PCNT: variants seen among roughly 807,000 people sequenced by gnomAD.
The protein encoded by PCNT is pericentrin.
Under a neutral mutation model 380.4 loss-of-function variants are expected in PCNT, and 319 were observed. The observed-to-expected ratio is 0.84, with a 90% CI of 0.77 to 0.92. PCNT has a LOEUF of 0.92. Ranked by LOEUF, PCNT falls within the 40% of genes least tolerant of loss-of-function variation. The pLI, the probability that PCNT is intolerant of heterozygous loss-of-function variation, is 0.00. For synonymous variants in PCNT, 1,845 were observed against 1,735.2 expected, an observed-to-expected ratio of 1.06 and a Z score of -1.57; for missense variants, 4,400 against 4,255.3, an observed-to-expected ratio of 1.03 and a Z score of -0.95.
Position 46,346,773 on chromosome 21 carries a change from C to A in PCNT, c.751C>A (p.Arg251Ser). ...AVHGLELEAL[R>S]LSLSNMHTAQ... ...GCATGGCCTTGAGCTGGAGGCGCTG[C>A]GCCTGAGTCTGAGCAACATGCACAC... The change falls in exon 5 of 47, where the codon CGC (arginine) becomes AGC (serine). Residue 251 changes from arginine to serine, a missense_variant. Coordinates refer to ENST00000359568, the MANE Select transcript of PCNT (RefSeq NM_006031.6). The A allele has an allele frequency of 6.3e-7, 1 of 1,597,382 alleles. No homozygotes were observed.
chr21:46,325,294 G>T, intron 1 of PCNT: 1 of 772,954 alleles, frequency 1.3e-6, no homozygotes, highest in Non-Finnish European at 1.6e-6. Flanking sequence ...AGGGGACGCG[G>T]GGCTAGGCCG....
At chr21:46,394,863 G>T (rs1601947050) in intron 21 of PCNT, among the ~76,000 whole-genome samples, 1 of 152,232 alleles carries the variant, frequency 6.6e-6, no homozygotes, top group Admixed American at 6.5e-5. Context: ...GGGCCCCCTG[G>T]ATCCCCTGTG....
At chr21:46,375,918 G>A (rs1270577493) in intron 15 of PCNT, among the ~76,000 whole-genome samples, 1 of 152,270 alleles carries the variant, frequency 6.6e-6, no homozygotes, top group Non-Finnish European at 1.5e-5. Flanking sequence ...GGTACCTGCG[G>A]GTGGTGCTGT....
At position 46,401,576 on chromosome 21, in the gene PCNT, A is replaced by C. The variant is rs1038288722; in HGVS notation, c.4817A>C (p.Gln1606Pro). The C allele has an allele frequency of 1.2e-6, 2 of 1,613,894 alleles. No individual in the cohort carries two copies. The highest frequency in any genetic ancestry group is 2.7e-5 in the African/African-American group (2 of 74,936). Residue 1606 changes from glutamine to proline, a missense_variant, in exon 26 of 47, where the codon CAG becomes CCG. Gln to Pro is a moderately conservative substitution (Grantham distance 76). Coordinates refer to ENST00000359568, the MANE Select transcript of PCNT (RefSeq NM_006031.6). The stretch of plus-strand genomic sequence containing the variant: ...GATAAAGAGGTGTTAAAGAAACAGC[A>C]GATGAGTAGCTTGCTTCTGGCGTCC... The part of the protein sequence containing the change: ...EQDKEVLKKQ[Q>P]MSSLLLASTL...
intron 27 of PCNT, among the ~76,000 whole-genome samples, chr21:46,409,820 C>T (rs2086728504): frequency 6.6e-6 from 1 of 152,104 alleles, no homozygotes; most frequent in African/African-American, 2.4e-5. Context: ...TCTTGAACTC[C>T]TGTGCTCAAG....
intron 12 of PCNT, 88 bp downstream of exon 12, chr21:46,355,714 A>T: frequency 1.5e-6 from 2 of 1,351,010 alleles, no homozygotes; most frequent in Non-Finnish European, 2.1e-6. Context: ...GTTCGATCCA[A>T]GTCCTCCGTG....
intron 15 of PCNT, among the ~76,000 whole-genome samples, chr21:46,370,363 C>G (rs2146971363): frequency 6.6e-6 from 1 of 151,856 alleles, no homozygotes; most frequent in African/African-American, 2.4e-5. Flanking sequence ...GGACGAAACA[C>G]AAAGTGGAGG....
chr21:46,386,655 C>T (rs1031965655), intron 17 of PCNT, among the ~76,000 whole-genome samples: 1 of 152,256 alleles, frequency 6.6e-6, no homozygotes, highest in African/African-American at 2.4e-5. Context: ...GTCCAGCAGG[C>T]TTGTCTGCCC....
intron 44 of PCNT, 43 bp from the exon 45 acceptor site, chr21:46,443,767 T>C: frequency 6.8e-6 from 11 of 1,607,168 alleles, no homozygotes; most frequent in Non-Finnish European, 9.4e-6. Context: ...AATGCATTCA[T>C]TTATTTTCCT....
intron 45 of PCNT, 150 bp from the exon 46 acceptor site, chr21:46,444,544 A>T: frequency 2.7e-6 from 2 of 744,678 alleles, no homozygotes; most frequent in Non-Finnish European, 4.5e-6. Flanking sequence ...GAGGGATCTG[A>T]AGGAAACGGC....
chr21:46,328,271 C>CCT (rs60896945), intron 2 of PCNT, among the ~76,000 whole-genome samples: 118,265 of 145,600 alleles, frequency 0.81, 48,356 homozygotes, highest in Middle Eastern at 0.87. Context: ...TTTTTTTTCC[C>CCT]GTTTTCTTTT....
At chr21:46,372,200 A>G (rs547510999) in intron 15 of PCNT, among the ~76,000 whole-genome samples, 2 of 150,170 alleles carry the variant, frequency 1.3e-5, no homozygotes, top group African/African-American at 4.9e-5. Context: ...GCACACACAC[A>G]GAGAGCACAT....
At chr21:46,350,563 A>G (rs2084229604) in intron 8 of PCNT, among the ~76,000 whole-genome samples, 1 of 152,236 alleles carries the variant, frequency 6.6e-6, no homozygotes, top group Non-Finnish European at 1.5e-5. Context: ...TGAAGAAATT[A>G]AAGCATAAAT....
chr21:46,396,697 G>A lies in PCNT; in HGVS notation c.4217-568G>A, dbSNP rs536868772. Among the ~76,000 whole-genome samples the A allele has an allele frequency of 1.1e-4, 17 of 152,256 alleles. No homozygotes were observed. The East Asian group carries it at 2.5e-3, about 22-fold the overall frequency. On this transcript the variant is annotated intron_variant, in intron 21 of 46. Coordinates refer to ENST00000359568, the MANE Select transcript of PCNT (RefSeq NM_006031.6). ...GGGCTCACTGCAACCTCCATCTCCC[G>A]GATTCAAGTGATTCTCCTGCCTCAG...
At position 46,370,268 on chromosome 21, in the gene PCNT, C is replaced by T. The variant is rs3788260; in HGVS notation, c.3165+3129C>T. 9.2e-5 allele frequency among the ~76,000 whole-genome samples: 14 copies of T among 152,068 alleles called. No individual in the cohort carries two copies. The East Asian group carries it at 2.5e-3, about 27-fold the overall frequency. The stretch of plus-strand genomic sequence containing the variant: ...TTGGCCTCCCCTCCTGTTGGGGCCT[C>T]CGGAGGGCAGGGTTCTGGTCTGGTC... On this transcript the variant is annotated intron_variant, in intron 15 of 46. Coordinates refer to ENST00000359568, the MANE Select transcript of PCNT (RefSeq NM_006031.6).
chr21:46,353,760 CAGAGAGAG>C (rs200721092), intron 10 of PCNT, among the ~76,000 whole-genome samples: 3 of 129,580 alleles, frequency 2.3e-5, no homozygotes, highest in Admixed American at 1.5e-4. Context: ...GTGAGAGAGA[CAGAGAGAG>C]AGTCAGTGGC....
chr21:46,439,358 A>G (rs996340474), intron 41 of PCNT, among the ~76,000 whole-genome samples: 1 of 151,910 alleles, frequency 6.6e-6, no homozygotes, highest in Admixed American at 6.6e-5. Flanking sequence ...TTTTTCTGAG[A>G]CAGGGCCTTG....
At chr21:46,408,015 A>T (rs77613203) in intron 27 of PCNT, among the ~76,000 whole-genome samples, 5,464 of 152,162 alleles carry the variant, frequency 0.036, 150 homozygotes, top group Middle Eastern at 0.082. Context: ...TTGTTTTTAG[A>T]CTTCGTGCAT....
At chr21:46,325,609 A>G (rs924181187) in intron 1 of PCNT, among the ~76,000 whole-genome samples, 3 of 152,188 alleles carry the variant, frequency 2.0e-5, no homozygotes, top group African/African-American at 7.2e-5. Flanking sequence ...TTGTGTTATC[A>G]TTTACACAAA....
Sources: gnomAD v4.1 joint callset for allele counts (sites outside exome capture counted in the v4.1 genomes callset) on GRCh38, gnomAD v4.1.1 for gene constraint, MANE v1.5 for transcripts, NCBI Gene and HGNC (gene_info 2026-07-23, HGNC 2026-07-21) for gene names.